SUMF2: variants seen among roughly 807,000 people sequenced by gnomAD.
SUMF2 encodes the protein inactive C-alpha-formylglycine-generating enzyme 2.
Under a neutral mutation model 44.8 loss-of-function variants are expected in SUMF2, and 45 were observed. The observed-to-expected ratio is 1.00, with a 90% confidence interval of 0.79 to 1.29. The LOEUF is 1.29. Ranked by LOEUF, SUMF2 falls within the 50% of genes most tolerant of loss-of-function variation. The pLI is 0.00. For synonymous variants in SUMF2, 148 were observed against 150.4 expected (o/e 0.98, Z 0.12); for missense variants, 418 against 389.9 (o/e 1.07, Z -0.61).
rs758051472 is a variant in SUMF2 at position 56,078,516 on chromosome 7, G to T, written c.821+8G>T. ...GGCCCGGGTCACCACCAGGTAAGGG[G>T]CTTGGTCCCAGGCAACACGGGGCCT... On this transcript the variant is annotated splice_region_variant and intron_variant, in intron 8 of 8. Transcript: ENST00000434526. 10 of 1,554,132 alleles carry T rather than the reference G, an allele frequency of 6.4e-6. 1 individual carries two copies. In the South Asian group the frequency reaches 1.2e-4, roughly 19 times the overall value.
At chr7:56,084,033 G>A, downstream of SUMF2, 1 of 640,378 alleles carries the variant, frequency 1.6e-6, no homozygotes. Flanking sequence ...CATGAGGTAG[G>A]CATTTCTTCA....
chr7:56,085,522 A>ATGGTGG (rs1470441820), downstream of SUMF2, among the ~76,000 whole-genome samples: 2 of 152,208 alleles, frequency 1.3e-5, no homozygotes, highest in African/African-American at 4.8e-5. Flanking sequence ...GATGGTGATG[A>ATGGTGG]TGGTGGTGAT....
the SUMF2 span, among the ~76,000 whole-genome samples, chr7:56,087,347 G>A: frequency 6.6e-6 from 1 of 151,828 alleles, no homozygotes; most frequent in African/African-American, 2.4e-5. Flanking sequence ...TCAGCCTCCC[G>A]AGTGGCTGGG....
At chr7:56,067,490 C>T (rs182563880) in intron 1 of SUMF2, among the ~76,000 whole-genome samples, 46 of 152,194 alleles carry the variant, frequency 3.0e-4, no homozygotes, top group African/African-American at 1.1e-3. Flanking sequence ...TTAATTGATA[C>T]AGCTGCTACC....
chr7:56,064,490 G>A, intron 1 of SUMF2, 112 bp downstream of exon 1: 4 of 1,430,690 alleles, frequency 2.8e-6, no homozygotes, highest in Non-Finnish European at 3.7e-6. Flanking sequence ...CGGCTGCAGC[G>A]GCAGGCTGGG....
chr7:56,069,437 C>T (rs1425003561), intron 2 of SUMF2, among the ~76,000 whole-genome samples: 2 of 151,784 alleles, frequency 1.3e-5, no homozygotes, highest in Non-Finnish European at 2.9e-5. Flanking sequence ...GACCCTATCT[C>T]TGCTAAAATA....
chr7:56,081,011 C>T (rs1418945898), downstream of SUMF2: 1 of 1,605,450 alleles, frequency 6.2e-7, no homozygotes, highest in Non-Finnish European at 8.5e-7. The surrounding 1 kb of genome is among the most constrained non-coding windows in gnomAD (Gnocchi z 4.6). Context: ...CCATGGCTTC[C>T]CCTCCCCACC....
chr7:56,075,373 G>A (rs1178555061), intron 5 of SUMF2, among the ~76,000 whole-genome samples: 1 of 152,032 alleles, frequency 6.6e-6, no homozygotes, highest in East Asian at 1.9e-4. Flanking sequence ...ACACACTTCT[G>A]CCTCTGGGGT....
rs750255890 is a variant in SUMF2 at position 56,079,620 on chromosome 7, G to A, written c.*8G>A. The A allele has an allele frequency of 3.1e-6, 5 of 1,614,228 alleles. No individual in the cohort carries two copies. The highest frequency in any genetic ancestry group is 4.5e-5 in the East Asian group (2 of 44,884). ...CCGCCAGGGGAGCTGTAAGCAGCCG[G>A]GTGGTGACAAGGAGAAAAGCCTTCT... On this transcript the variant is annotated 3_prime_UTR_variant, in exon 9 of 9. Coordinates refer to ENST00000434526, the MANE Select transcript of SUMF2 (RefSeq NM_015411.4).
At chr7:56,081,318 A>G (rs749983849), downstream of SUMF2, 3 of 1,594,700 alleles carry the variant, frequency 1.9e-6, no homozygotes, top group Non-Finnish European at 1.7e-6. This position sits in a 1 kb window ranked among gnomAD's most constrained non-coding sequence, Gnocchi z 4.6. Flanking sequence ...CCAGGCGGAG[A>G]AGCTGGGCTG....
rs761666664 is a variant in SUMF2 at position 56,073,004 on chromosome 7, G to A, written c.232G>A (p.Val78Ile). ...PVTNKDFRDF[V>I]REKKYRTEAE... ...TGAACTATGTCTTTATAGGGATTTT[G>A]TCAGGGAGAAAAAGTATCGGACAGA... is the stretch of plus-strand genomic sequence containing the variant. The change falls in exon 3 of 9, where the codon GTC becomes ATC. Residue 78 changes from valine to isoleucine, a missense_variant. By Grantham distance (29) the Val-to-Ile change is conservative. Coordinates refer to ENST00000434526, the MANE Select transcript of SUMF2 (RefSeq NM_015411.4). 1 of 1,613,804 alleles carries A rather than the reference G, an allele frequency of 6.2e-7. No homozygotes were observed. The highest frequency in any genetic ancestry group is 1.3e-5 in the African/African-American group (1 of 75,020).
intron 1 of SUMF2, among the ~76,000 whole-genome samples, chr7:56,066,776 C>T (rs1236409574): frequency 2.0e-5 from 3 of 152,210 alleles, no homozygotes; most frequent in Non-Finnish European, 4.4e-5. Flanking sequence ...CCTGACACCA[C>T]GCCTGGCTGA....
chr7:56,081,987 C>T (rs377598630), downstream of SUMF2: 16 of 1,613,814 alleles, frequency 9.9e-6, no homozygotes, highest in South Asian at 2.2e-5. This position sits in a 1 kb window ranked among gnomAD's most constrained non-coding sequence, Gnocchi z 4.6. Flanking sequence ...CATCTGCTTC[C>T]GGTGCCAGAA....
chr7:56,081,765 G>A (rs1796006275), downstream of SUMF2: 3 of 1,609,930 alleles, frequency 1.9e-6, no homozygotes, highest in South Asian at 2.2e-5. The surrounding 1 kb of genome is among the most constrained non-coding windows in gnomAD (Gnocchi z 4.6). Context: ...CCTGTGAGAG[G>A]AGGAGAGGGG....
At chr7:56,066,714 G>C (rs1304666506) in intron 1 of SUMF2, among the ~76,000 whole-genome samples, 2 of 152,208 alleles carry the variant, frequency 1.3e-5, no homozygotes, top group Admixed American at 1.3e-4. Flanking sequence ...TCCGCCTCCC[G>C]GGTGCAAGCG....
At chr7:56,074,138 G>A (rs764177852) in intron 3 of SUMF2, 36 bp from the exon 4 acceptor site, 34 of 1,610,688 alleles carry the variant, frequency 2.1e-5, no homozygotes, top group South Asian at 5.5e-5. Context: ...TTGCTGGGCC[G>A]GAGCATCTTG....
chr7:56,081,665 C>A (rs371768926), downstream of SUMF2: 72 of 1,613,850 alleles, frequency 4.5e-5, 1 homozygote, highest in South Asian at 7.1e-4. This position sits in a 1 kb window ranked among gnomAD's most constrained non-coding sequence, Gnocchi z 4.6. Context: ...TGCCGCACTT[C>A]CTCCACCAAG....
At chr7:56,083,182 A>G (rs1195584017), downstream of SUMF2, 5 of 1,074,676 alleles carry the variant, frequency 4.7e-6, no homozygotes, top group South Asian at 1.5e-5. Flanking sequence ...TCCAGGGAAC[A>G]ATTAAGTTAG....
Position 56,078,398 on chromosome 7 carries a change from G to C in SUMF2, c.711G>C (p.Trp237Cys). 6.2e-7 allele frequency: 1 copy of C among 1,611,666 alleles called. No individual in the cohort carries two copies. The change falls in exon 8 of 9, where the codon TGG becomes TGC. Residue 237 changes from tryptophan to cysteine, a missense_variant. By Grantham distance (215) the Trp-to-Cys change is radical (BLOSUM62 -2). Coordinates refer to ENST00000434526, the MANE Select transcript of SUMF2 (RefSeq NM_015411.4). ...ACCTCCTGGGGAACGTGTGGGAGTG[G>C]ACAGCATCACCGTACCAGGCTGCTG... is the stretch of plus-strand genomic sequence containing the variant. ...LYDLLGNVWE[W>C]TASPYQAAEQ...
Sources: allele counts gnomAD v4.1 joint callset (sites outside exome capture counted in the v4.1 genomes callset), GRCh38; gene constraint gnomAD v4.1.1; non-coding constraint Gnocchi (gnomAD v3.1); transcripts MANE v1.5; gene names NCBI Gene and HGNC (gene_info 2026-07-23, HGNC 2026-07-21).